The following BMPER variants were observed in gnomAD, a reference collection of about 807,000 sequenced individuals.
The protein encoded by BMPER is BMP binding endothelial regulator, also known as BMP-binding endothelial regulator protein.
A neutral mutation model predicts 87.3 loss-of-function variants in BMPER; 45 were observed. The ratio of observed to expected loss-of-function variants is 0.52; its 90% confidence interval spans 0.41 to 0.66. BMPER has a LOEUF of 0.66. Ranked by LOEUF, BMPER falls within the 30% of genes least tolerant of loss-of-function variation. The pLI is 0.00. For missense variants in BMPER, 784 were observed against 867.5 expected (o/e 0.90, Z 1.21); for synonymous variants, 326 against 316.2 (o/e 1.03, Z -0.33).
At chr7:34,089,040 C>A (rs1264749026) in intron 13 of BMPER, among the ~76,000 whole-genome samples, 1 of 152,250 alleles carries the variant, frequency 6.6e-6, no homozygotes, top group Non-Finnish European at 1.5e-5. Flanking sequence ...GCAAAATCAG[C>A]AATCATACAT....
At chr7:34,103,154 G>A (rs774347493) in intron 13 of BMPER, among the ~76,000 whole-genome samples, 33 of 152,136 alleles carry the variant, frequency 2.2e-4, no homozygotes, top group Non-Finnish European at 4.3e-4. Flanking sequence ...CTGTGAGGAA[G>A]AAGAGAAACT....
intron 13 of BMPER, among the ~76,000 whole-genome samples, chr7:34,105,679 C>T (rs540795521): frequency 6.6e-6 from 1 of 152,336 alleles, no homozygotes; most frequent in South Asian, 2.1e-4. Flanking sequence ...ATTTACTTCA[C>T]AGTTCCAATT....
intron 2 of BMPER, among the ~76,000 whole-genome samples, chr7:33,912,641 A>C (rs991859831): frequency 6.6e-6 from 1 of 152,328 alleles, no homozygotes; most frequent in African/African-American, 2.4e-5. Context: ...AAAGGATATC[A>C]GTTTTTCACA....
At chr7:34,024,225 G>T (rs1787277104) in intron 6 of BMPER, among the ~76,000 whole-genome samples, 1 of 149,966 alleles carries the variant, frequency 6.7e-6, no homozygotes, top group Admixed American at 6.6e-5. Context: ...GGGCATGGTG[G>T]CACGTGCCTG....
chr7:33,954,907 A>G lies in BMPER; in HGVS notation c.320-11572A>G, dbSNP rs1785114209. On this transcript the variant is annotated intron_variant, in intron 3 of 14. Coordinates refer to ENST00000649409, the MANE Select transcript of BMPER (RefSeq NM_001365308.1). ...GGTTAAGGCCTTTATCAATTTTTTT[A>G]TTTTTTTGAGATGGAGTTTCACTCT... 2.0e-5 allele frequency among the ~76,000 whole-genome samples: 3 copies of G among 151,680 alleles called. No homozygotes were observed. The South Asian group carries it at 6.3e-4, about 32-fold the overall frequency.
chr7:33,994,228 G>A (rs946036403), intron 6 of BMPER, among the ~76,000 whole-genome samples: 2 of 152,210 alleles, frequency 1.3e-5, no homozygotes, highest in South Asian at 2.1e-4. Context: ...CCTCGCTGCC[G>A]CCTTGCAGTG....
At chr7:33,999,527 A>C (rs1327438282) in intron 6 of BMPER, among the ~76,000 whole-genome samples, 6 of 152,264 alleles carry the variant, frequency 3.9e-5, no homozygotes, top group African/African-American at 1.4e-4. Flanking sequence ...CATTTATAGA[A>C]GATATAGTTT....
At chr7:33,931,063 C>G (rs1784468427) in intron 2 of BMPER, among the ~76,000 whole-genome samples, 1 of 152,204 alleles carries the variant, frequency 6.6e-6, no homozygotes, top group South Asian at 2.1e-4. Context: ...AAAGTCTGGT[C>G]TGCTTACCCA....
At chr7:34,094,363 G>A (rs771363254) in intron 13 of BMPER, among the ~76,000 whole-genome samples, 10 of 152,202 alleles carry the variant, frequency 6.6e-5, no homozygotes, top group Non-Finnish European at 1.5e-4. Flanking sequence ...GAATAGGGTA[G>A]TGTGATGGGG....
intron 7 of BMPER, 42 bp downstream of exon 7, chr7:34,046,447 C>T (rs771947310): frequency 5.1e-6 from 8 of 1,572,766 alleles, no homozygotes; most frequent in Admixed American, 3.3e-5. Context: ...GTAATTTCTT[C>T]TCAAAGTTTC....
Position 34,040,408 on chromosome 7 carries a change from G to A in BMPER, c.577-5898G>A, listed in dbSNP as rs1449872250. Reference sequence around the variant, plus strand: ...CAGAAAGCAAAGTGCGAATTAGGTTGTGTGGGTTTGGAGTCCAGAGACAAT... The same window carrying A: ...CAGAAAGCAAAGTGCGAATTAGGTTATGTGGGTTTGGAGTCCAGAGACAAT... On this transcript the variant is annotated intron_variant, in intron 6 of 14. Coordinates refer to ENST00000649409, the MANE Select transcript of BMPER (RefSeq NM_001365308.1). 2.6e-5 allele frequency among the ~76,000 whole-genome samples: 4 copies of A among 152,328 alleles called. No homozygotes were observed. The South Asian group carries it at 6.2e-4, about 24-fold the overall frequency.
rs1223113815 is a variant in BMPER, at chr7:34,061,983, T to C, written c.1033-19T>C. 6.3e-7 allele frequency: 1 copy of C among 1,592,456 alleles called. No individual in the cohort carries two copies. The highest frequency in any genetic ancestry group is 8.6e-7 in the Non-Finnish European group (1 of 1,166,224). On this transcript the variant is annotated intron_variant, in intron 10 of 14. Transcript: ENST00000649409. ...TTTTTTTTAAACAGTAACTTTGTATTTGTTTTTCTTCTGATTAGGGCAAAA... is the reference window on the plus strand; with the variant it reads ...TTTTTTTTAAACAGTAACTTTGTATCTGTTTTTCTTCTGATTAGGGCAAAA...
intron 3 of BMPER, among the ~76,000 whole-genome samples, chr7:33,961,130 ATCT>A (rs1177712109): frequency 6.6e-6 from 1 of 152,292 alleles, no homozygotes; most frequent in Admixed American, 6.5e-5. Context: ...GCAGGTTGAG[ATCT>A]TCTGGCCATG....
At chr7:33,998,347 C>T (rs988468030) in intron 6 of BMPER, among the ~76,000 whole-genome samples, 1 of 152,146 alleles carries the variant, frequency 6.6e-6, no homozygotes, top group Non-Finnish European at 1.5e-5. Flanking sequence ...CTCTAATGGG[C>T]CCTTCTATGG....
At chr7:34,062,946 T>TCTGAAAACTGTCTGAGACTGTACTA (rs1173933167) in intron 11 of BMPER, among the ~76,000 whole-genome samples, 2 of 152,218 alleles carry the variant, frequency 1.3e-5, no homozygotes, top group South Asian at 4.1e-4. Context: ...CATGGCCTAT[T>TCTGAAAACTGTCTGAGACTGTACTA]CTGAAAACTG....
At chr7:34,089,743 C>T (rs961709306) in intron 13 of BMPER, among the ~76,000 whole-genome samples, 2 of 152,122 alleles carry the variant, frequency 1.3e-5, no homozygotes, top group African/African-American at 2.4e-5. Context: ...CTCAGCCTCC[C>T]AAAGTGCTGG....
chr7:33,922,866 G>A (rs1405254582), intron 2 of BMPER, among the ~76,000 whole-genome samples: 1 of 152,172 alleles, frequency 6.6e-6, no homozygotes, highest in African/African-American at 2.4e-5. Flanking sequence ...TTAGCCTGGT[G>A]AAGATGATAT....
chr7:34,045,784 C>T (rs191403367), intron 6 of BMPER, among the ~76,000 whole-genome samples: 92 of 152,182 alleles, frequency 6.0e-4, no homozygotes, highest in Non-Finnish European at 1.1e-3. Flanking sequence ...TGGCAGATAC[C>T]GAAGCCTTCC....
In BMPER at chr7:34,111,725, T is replaced by A. The variant is rs192085296; in HGVS notation, c.1745+25633T>A. On this transcript the variant is annotated intron_variant, in intron 13 of 14. Coordinates refer to ENST00000649409, the MANE Select transcript of BMPER (RefSeq NM_001365308.1). ...ATCTAAAAGAAAACATCTTTTTTTT[T>A]ATTTTGAGATGGAGTTTCACTCTTA... Among the ~76,000 whole-genome samples the A allele has an allele frequency of 4.8e-3, 724 of 152,110 alleles. 3 individuals are homozygous for A. The highest frequency in any genetic ancestry group is 0.015 in the African/African-American group (642 of 41,552).
Sources: gnomAD v4.1 joint callset for allele counts (sites outside exome capture counted in the v4.1 genomes callset) on GRCh38, gnomAD v4.1.1 for gene constraint, MANE v1.5 for transcripts, NCBI Gene and HGNC (gene_info 2026-07-23, HGNC 2026-07-21) for gene names.